The following ABR variants were observed in gnomAD, a reference collection of about 807,000 sequenced individuals.
ABR encodes the protein ABR activator of RhoGEF and GTPase, also known as active breakpoint cluster region-related protein.
Under a neutral mutation model 107.2 loss-of-function variants are expected in ABR, and 35 were observed. That is an observed-to-expected ratio of 0.33 (90% CI 0.25 to 0.43). The LOEUF (loss-of-function observed/expected upper bound fraction) is 0.43. Ranked by LOEUF, ABR falls within the 20% of genes least tolerant of loss-of-function variation. The pLI, the probability that ABR is intolerant of heterozygous loss-of-function variation, is 1.00. For missense variants in ABR, 815 were observed against 1,115.2 expected, an observed-to-expected ratio of 0.73 and a Z score of 3.83; for synonymous variants, 498 against 462.0, an observed-to-expected ratio of 1.08 and a Z score of -1.00.
rs769822180 is a variant in ABR at position 1,125,457 on chromosome 17, G to A, written c.62-90C>T. On this transcript the variant is annotated intron_variant, in intron 1 of 22. Coordinates refer to ENST00000302538, the MANE Select transcript of ABR (RefSeq NM_021962.5). Reference sequence around the variant, plus strand: ...TAGTGGGCGCCGGCGGCGGCCCCCGGCAGCCATGGCCCCGGCCGCACCATC... The same window carrying A: ...TAGTGGGCGCCGGCGGCGGCCCCCGACAGCCATGGCCCCGGCCGCACCATC... 4.7e-6 allele frequency: 7 copies of A among 1,488,092 alleles called. No individual in the cohort carries two copies. In the South Asian group the frequency reaches 7.9e-5, roughly 17 times the overall value. The allele number at this position is 1,488,092 out of a possible 1,614,324, so 92.2% of individuals were successfully genotyped here. A position where few individuals can be genotyped will look rare whatever the true frequency, so the allele number is the denominator to read the frequency against.
chr17:1,200,531 T>C lies in ABR; in HGVS notation c.838+28262A>G, dbSNP rs893123165. Among the ~76,000 whole-genome samples the C allele has an allele frequency of 1.3e-5, 2 of 151,840 alleles. No individual in the cohort carries two copies. The highest frequency in any genetic ancestry group is 4.8e-5 in the African/African-American group (2 of 41,314). ...CATGAAAATGGAGGGACAGGTGTAA[T>C]TGGAGTGGCTCTCCAGACTGTGCCC... is the stretch of plus-strand genomic sequence containing the variant. On this transcript the variant is annotated intron_variant, in intron 1 of 22. Transcript: ENST00000574139. This position sits in a 1 kb window ranked among gnomAD's most constrained non-coding sequence, Gnocchi z 4.1.
chr17:1,044,323 TC>T, intron 16 of ABR, among the ~76,000 whole-genome samples: 1 of 152,222 alleles, frequency 6.6e-6, no homozygotes, highest in East Asian at 1.9e-4. Context: ...TTTCCTTCTC[TC>T]CGGAAAACAG....
At chr17:1,042,327 C>T (rs1247222432) in intron 16 of ABR, among the ~76,000 whole-genome samples, 3 of 150,850 alleles carry the variant, frequency 2.0e-5, no homozygotes, top group East Asian at 2.0e-4. Context: ...CATCCACAAA[C>T]GGATGAATAA....
At position 1,125,236 on chromosome 17, in the gene ABR, G is replaced by C. The variant is rs2039539172; in HGVS notation, c.193C>G (p.Gln65Glu). 4 of 1,611,416 alleles carry C rather than the reference G, an allele frequency of 2.5e-6. No individual in the cohort carries two copies. Among genetic ancestry groups the C allele is most frequent in the Non-Finnish European group, 3.4e-6 (4 of 1,178,424 alleles). ...GGGGAGACGCCATCCCCCCCGCCCTGGCTGCGGGCGCTGAGCTGCGGGGAC... is the reference window on the plus strand; with the variant it reads ...GGGGAGACGCCATCCCCCCCGCCCTCGCTGCGGGCGCTGAGCTGCGGGGAC... Reference protein sequence around the residue: ...TMSPQLSARSQGGGDGVSPTP... With the variant: ...TMSPQLSARSEGGGDGVSPTP... The change falls in exon 2 of 23, where the codon CAG becomes GAG. Residue 65 changes from glutamine to glutamate, a missense_variant. Around this residue, in one of 5 missense-constraint regions of ABR, gnomAD observed 129 missense variants for 124.8 expected, o/e 1.03. Coordinates refer to ENST00000302538, the MANE Select transcript of ABR (RefSeq NM_021962.5).
chr17:1,113,122 G>A (rs775568733), intron 2 of ABR, among the ~76,000 whole-genome samples: 1 of 152,046 alleles, frequency 6.6e-6, no homozygotes, highest in Non-Finnish European at 1.5e-5. Flanking sequence ...CTACCCTCGC[G>A]GAGCTGACAG....
chr17:1,078,437 G>A lies in ABR; in HGVS notation c.700+893C>T, dbSNP rs1567714410. On this transcript the variant is annotated intron_variant, in intron 6 of 22. Transcript: ENST00000302538. This position sits in a 1 kb window ranked among gnomAD's most constrained non-coding sequence, Gnocchi z 7.5. ...CCGGACCATCGCCACCCATCGCCAC[G>A]CTGTGCCTGGCCCCCGCAGACCCTC... Among the ~76,000 whole-genome samples the A allele has an allele frequency of 6.6e-6, 1 of 152,062 alleles. No homozygotes were observed. The highest frequency in any genetic ancestry group is 2.1e-4 in the South Asian group (1 of 4,828).
chr17:1,055,638 T>C (rs2440757), intron 14 of ABR: 19,831 of 167,632 alleles, frequency 0.12, 1,386 homozygotes, highest in South Asian at 0.19. Context: ...AGGGATTCTC[T>C]GGCCTCAGCC....
At chr17:1,201,828 C>G (rs1362150860) in intron 1 of ABR, among the ~76,000 whole-genome samples, 1 of 152,126 alleles carries the variant, frequency 6.6e-6, no homozygotes, top group Non-Finnish European at 1.5e-5. Context: ...AGGCGCCCAC[C>G]ACCACGCCCG....
chr17:1,023,181 C>T (rs112633309), intron 16 of ABR, among the ~76,000 whole-genome samples: 14 of 149,556 alleles, frequency 9.4e-5, no homozygotes, highest in African/African-American at 2.5e-4. Context: ...TCCACTCCAG[C>T]GCCTCTGCCG....
intron 1 of ABR, among the ~76,000 whole-genome samples, chr17:1,220,084 G>A (rs2043090148): frequency 6.6e-6 from 1 of 152,052 alleles, no homozygotes; most frequent in South Asian, 2.1e-4. Flanking sequence ...GAGGTCAGGA[G>A]ATCGACACCA....
chr17:1,015,559 C>T (rs879465997), intron 16 of ABR, among the ~76,000 whole-genome samples: 5 of 151,888 alleles, frequency 3.3e-5, no homozygotes, highest in Non-Finnish European at 4.4e-5. Flanking sequence ...TGGGTTCAAG[C>T]GATTCTCCTG....
chr17:1,099,373 G>GCCTGCA (rs1452441786), intron 3 of ABR, among the ~76,000 whole-genome samples: 3 of 152,170 alleles, frequency 2.0e-5, no homozygotes, highest in Non-Finnish European at 4.4e-5. Flanking sequence ...ACGGCGCCCG[G>GCCTGCA]CCTGCACCTG....
intron 10 of ABR, among the ~76,000 whole-genome samples, chr17:1,061,244 A>G (rs1210347098): frequency 6.7e-6 from 1 of 150,370 alleles, no homozygotes; most frequent in Non-Finnish European, 1.5e-5. Flanking sequence ...AGCTGGGGCA[A>G]CGGGGAGGCA....
chr17:1,034,367 G>A (rs943926477), intron 16 of ABR, among the ~76,000 whole-genome samples: 1 of 152,152 alleles, frequency 6.6e-6, no homozygotes, highest in Non-Finnish European at 1.5e-5. Context: ...CAAAGGGGCA[G>A]CCAAGAAAGC....
chr17:1,031,098 T>C (rs139443804), intron 16 of ABR, among the ~76,000 whole-genome samples: 8 of 152,108 alleles, frequency 5.3e-5, no homozygotes, highest in Admixed American at 1.3e-4. Context: ...GTCAGATGGG[T>C]GGTCCCTGAA....
chr17:1,106,122 G>C (rs2038228472), intron 2 of ABR, among the ~76,000 whole-genome samples: 1 of 152,132 alleles, frequency 6.6e-6, no homozygotes, highest in Non-Finnish European at 1.5e-5. Flanking sequence ...TCAAAGGTAA[G>C]TCTGGGCTGA....
At chr17:1,185,799 C>T (rs142246576) in intron 1 of ABR, among the ~76,000 whole-genome samples, 263 of 151,964 alleles carry the variant, frequency 1.7e-3, no homozygotes, top group African/African-American at 5.8e-3. Flanking sequence ...TTGCTCTATT[C>T]CCATTTCCTT....
chr17:1,081,276 T>C (rs2036219599), intron 5 of ABR, among the ~76,000 whole-genome samples: 1 of 152,224 alleles, frequency 6.6e-6, no homozygotes, highest in Non-Finnish European at 1.5e-5. Context: ...GGTTTCACCA[T>C]GTTTCCCAGG....
chr17:1,048,760 G>A (rs1345259079), intron 16 of ABR, among the ~76,000 whole-genome samples: 1 of 148,070 alleles, frequency 6.8e-6, no homozygotes, highest in African/African-American at 2.5e-5. Context: ...AAGAAGCTCG[G>A]CGCCCAGCTG....
Sources: allele counts gnomAD v4.1 joint callset (sites outside exome capture counted in the v4.1 genomes callset), GRCh38; gene constraint gnomAD v4.1.1; regional missense constraint gnomAD v4.1.1; non-coding constraint Gnocchi (gnomAD v3.1); transcripts MANE v1.5; gene names NCBI Gene and HGNC (gene_info 2026-07-23, HGNC 2026-07-21).